The following RBFOX1 variants were observed in gnomAD, a reference collection of about 807,000 sequenced individuals.
The protein encoded by RBFOX1 is RNA binding protein fox-1 homolog 1.
A neutral mutation model predicts 57.7 loss-of-function variants in RBFOX1; 8 were observed. The observed-to-expected ratio is 0.14, with a 90% confidence interval of 0.08 to 0.25. RBFOX1 has a LOEUF of 0.25. RBFOX1 is among the 10% of genes least tolerant of loss of function. The pLI is 1.00. For missense variants in RBFOX1, 611 were observed against 548.5 expected (o/e 1.11, Z -1.14); for synonymous variants, 326 against 222.4 (o/e 1.47, Z -4.15).
intron 2 of RBFOX1, among the ~76,000 whole-genome samples, chr16:6,400,349 ACT>A (rs1320849060): frequency 1.3e-5 from 2 of 152,182 alleles, no homozygotes; most frequent in Non-Finnish European, 2.9e-5. Flanking sequence ...CTTCTAAATG[ACT>A]CTCACATTAA....
intron 2 of RBFOX1, among the ~76,000 whole-genome samples, chr16:6,512,120 A>G (rs1230261500): frequency 8.0e-6 from 1 of 125,018 alleles, no homozygotes; most frequent in Non-Finnish European, 1.5e-5. Flanking sequence ...AAATAAAATG[A>G]AAAAAAAAAA....
intron 2 of RBFOX1, among the ~76,000 whole-genome samples, chr16:6,448,319 C>G (rs2094528805): frequency 6.6e-6 from 1 of 151,422 alleles, no homozygotes; most frequent in South Asian, 2.1e-4. Flanking sequence ...GCCACCACAC[C>G]CAGCTAATTT....
intron 1 of RBFOX1, among the ~76,000 whole-genome samples, chr16:5,305,973 CT>C (rs1567309648): frequency 2.0e-5 from 3 of 152,124 alleles, no homozygotes; most frequent in Non-Finnish European, 4.4e-5. Context: ...AGCAGGATTG[CT>C]TGAGTCCAGT....
At chr16:5,810,130 A>T (rs2055368121) in intron 3 of RBFOX1, among the ~76,000 whole-genome samples, 1 of 148,032 alleles carries the variant, frequency 6.8e-6, no homozygotes. Flanking sequence ...AACAGTGAGA[A>T]CACATGGACA....
intron 3 of RBFOX1, among the ~76,000 whole-genome samples, chr16:5,827,366 C>G (rs1302035791): frequency 6.8e-6 from 1 of 146,392 alleles, no homozygotes; most frequent in Non-Finnish European, 1.5e-5. Context: ...TGCCACTGCA[C>G]TCCAACCTGG....
At chr16:6,001,867 G>C (rs1251029580) in intron 4 of RBFOX1, among the ~76,000 whole-genome samples, 1 of 152,012 alleles carries the variant, frequency 6.6e-6, no homozygotes, top group African/African-American at 2.4e-5. Context: ...AACCCTCTGA[G>C]GCCCTCCTCA....
Position 6,406,351 on chromosome 16 carries a change from G to A in RBFOX1, c.-64+89294G>A, listed in dbSNP as rs986050661. Among the ~76,000 whole-genome samples the A allele has an allele frequency of 5.9e-5, 3 of 50,714 alleles. No homozygotes were observed. The Admixed American group carries it at 6.5e-4, about 11-fold the overall frequency. The allele number at this position is 50,714 out of a possible 152,430, so 33.3% of individuals were successfully genotyped here. A position where few individuals can be genotyped will look rare whatever the true frequency, so the allele number is the denominator to read the frequency against. Reference sequence around the variant, plus strand: ...AGTAGCTTCTGTCTCCATAGAAGATGTTAGACATGCCCAGAAACCTGGTAT... The same window carrying A: ...AGTAGCTTCTGTCTCCATAGAAGATATTAGACATGCCCAGAAACCTGGTAT... On this transcript the variant is annotated intron_variant, in intron 2 of 15. Transcript: ENST00000550418.
intron 4 of RBFOX1, among the ~76,000 whole-genome samples, chr16:7,431,868 A>T (rs1240869212): frequency 1.3e-5 from 2 of 152,190 alleles, no homozygotes; most frequent in East Asian, 3.9e-4. Flanking sequence ...TTAGCTCCCC[A>T]TTAGAAAGAC....
rs1047161052 is a variant in RBFOX1, at chr16:7,019,501, T to C, written c.-15-32556T>C. ...TTAAGTTGTCAAAAGCTCTCTTGTCTGAACCCCTGAGCCCATGGTCCTCTC... is the reference window on the plus strand; with the variant it reads ...TTAAGTTGTCAAAAGCTCTCTTGTCCGAACCCCTGAGCCCATGGTCCTCTC... On this transcript the variant is annotated intron_variant, in intron 3 of 15. Transcript: ENST00000550418. 2.6e-5 allele frequency among the ~76,000 whole-genome samples: 4 copies of C among 152,158 alleles called. No individual in the cohort carries two copies. In the East Asian group the frequency reaches 7.7e-4, roughly 29 times the overall value.
chr16:6,282,618 T>C (rs1450648739), intron 1 of RBFOX1, among the ~76,000 whole-genome samples: 1 of 152,116 alleles, frequency 6.6e-6, no homozygotes, highest in African/African-American at 2.4e-5. Context: ...TTCCCACTTA[T>C]GAGTGAGAAC....
chr16:7,367,639 C>T (rs1377693401), intron 4 of RBFOX1, among the ~76,000 whole-genome samples: 2 of 152,108 alleles, frequency 1.3e-5, no homozygotes, highest in African/African-American at 4.8e-5. Flanking sequence ...ATATGTGCAT[C>T]AGTCAGTTCA....
chr16:7,409,399 A>G (rs1036883953), intron 4 of RBFOX1, among the ~76,000 whole-genome samples: 1 of 152,228 alleles, frequency 6.6e-6, no homozygotes, highest in Non-Finnish European at 1.5e-5. Flanking sequence ...AGAATATAAC[A>G]CAAGTATTTA....
chr16:6,314,402 C>T (rs1328428903), intron 1 of RBFOX1, among the ~76,000 whole-genome samples: 2 of 152,082 alleles, frequency 1.3e-5, no homozygotes, highest in Non-Finnish European at 2.9e-5. Context: ...TGCCAATGGC[C>T]ATAGGGACCT....
rs556231935 is a variant in RBFOX1 at position 6,162,209 on chromosome 16, C to T, written c.-127+142217C>T. Reference sequence around the variant, plus strand: ...CTTGGCTCACTGCAACTTCCGCCTTCCAGGTTCAAGCAATTCACCTGTGTC... The same window carrying T: ...CTTGGCTCACTGCAACTTCCGCCTTTCAGGTTCAAGCAATTCACCTGTGTC... On this transcript the variant is annotated intron_variant, in intron 1 of 15. Transcript: ENST00000550418. 1.2e-4 allele frequency among the ~76,000 whole-genome samples: 19 copies of T among 152,296 alleles called. 1 individual carries two copies. The highest frequency in any genetic ancestry group is 1.2e-3 in the Admixed American group (19 of 15,294).
chr16:6,490,622 C>T (rs1176223666), intron 2 of RBFOX1, among the ~76,000 whole-genome samples: 2 of 152,152 alleles, frequency 1.3e-5, no homozygotes, highest in Non-Finnish European at 2.9e-5. Flanking sequence ...CTGCATTTTA[C>T]CTGAGGCAGG....
intron 1 of RBFOX1, among the ~76,000 whole-genome samples, chr16:6,109,598 ACAT>A (rs2096420673): frequency 6.6e-6 from 1 of 152,242 alleles, no homozygotes; most frequent in African/African-American, 2.4e-5. Context: ...ACTTAAAAAT[ACAT>A]TTGCAGTCAC....
intron 4 of RBFOX1, among the ~76,000 whole-genome samples, chr16:7,114,272 AT>A (rs113951236): frequency 0.018 from 2,774 of 152,266 alleles, 90 homozygotes; most frequent in African/African-American, 0.063. Flanking sequence ...TTGTGTACAC[AT>A]TTTGGAGATT....
At chr16:5,472,325 A>T (rs912508558) in intron 2 of RBFOX1, among the ~76,000 whole-genome samples, 11 of 152,012 alleles carry the variant, frequency 7.2e-5, no homozygotes, top group African/African-American at 2.7e-4. Flanking sequence ...TACAAATGTG[A>T]TCTCGTGTAA....
chr16:7,266,666 A>G (rs1309730715), intron 4 of RBFOX1, among the ~76,000 whole-genome samples: 1 of 152,244 alleles, frequency 6.6e-6, no homozygotes, highest in Non-Finnish European at 1.5e-5. Context: ...AATGGTATAC[A>G]AAATAATGAG....
Sources: allele counts gnomAD v4.1 joint callset (sites outside exome capture counted in the v4.1 genomes callset), GRCh38; gene constraint gnomAD v4.1.1; transcripts MANE v1.5; gene names NCBI Gene and HGNC (gene_info 2026-07-23, HGNC 2026-07-21).